PHRF1: variants seen among roughly 807,000 people sequenced by gnomAD.
The protein encoded by PHRF1 is PHD and RING finger domain-containing protein 1.
PHRF1 carries 53 observed loss-of-function variants against 128.9 expected under a neutral mutation model. That is an observed-to-expected ratio of 0.41 (90% CI 0.33 to 0.52). The LOEUF is 0.52. PHRF1 is among the 20% of genes least tolerant of loss of function. The pLI is 0.21. For synonymous variants in PHRF1, 1,178 were observed against 980.6 expected, an observed-to-expected ratio of 1.20 and a Z score of -3.76; for missense variants, 2,503 against 2,284.5, an observed-to-expected ratio of 1.10 and a Z score of -1.95.
At position 597,049 on chromosome 11, in the gene PHRF1, C is replaced by G; in HGVS notation, c.718+29C>G. ...AGGACACTGCTCCCGTCCCAAGGCGCACATGGGCCTTCTCACTGTCCACTC... is the reference window on the plus strand; with the variant it reads ...AGGACACTGCTCCCGTCCCAAGGCGGACATGGGCCTTCTCACTGTCCACTC... On this transcript the variant is annotated intron_variant, in intron 7 of 17. Transcript: ENST00000264555. This position sits in a 1 kb window ranked among gnomAD's most constrained non-coding sequence, Gnocchi z 6.5. 6.2e-7 allele frequency: 1 copy of G among 1,605,830 alleles called. No homozygotes were observed.
chr11:599,344 G>A (rs1855499818), intron 9 of PHRF1, among the ~76,000 whole-genome samples: 2 of 142,862 alleles, frequency 1.4e-5, no homozygotes, highest in Non-Finnish European at 1.5e-5. Context: ...TCCACCTTCC[G>A]GGTTCAAGTG....
At chr11:584,738 T>TC (rs1854423633) in intron 3 of PHRF1, among the ~76,000 whole-genome samples, 1 of 145,714 alleles carries the variant, frequency 6.9e-6, no homozygotes, top group African/African-American at 2.5e-5. Context: ...CCTTTTTTTT[T>TC]TTTTTTTTTT....
intron 6 of PHRF1, among the ~76,000 whole-genome samples, chr11:595,105 C>T (rs1291048766): frequency 1.3e-5 from 2 of 152,122 alleles, no homozygotes; most frequent in Non-Finnish European, 1.5e-5. Context: ...GGTGGATCAC[C>T]TGAGCTCAGG....
intron 1 of PHRF1, among the ~76,000 whole-genome samples, chr11:576,825 G>A (rs1338388940): frequency 2.3e-5 from 2 of 86,902 alleles, no homozygotes; most frequent in African/African-American, 8.5e-5. Context: ...GCCGAGACTG[G>A]GAGGCCCCGC....
intron 3 of PHRF1, among the ~76,000 whole-genome samples, chr11:584,128 C>T (rs1414143460): frequency 1.3e-5 from 2 of 152,330 alleles, no homozygotes; most frequent in South Asian, 2.1e-4. Context: ...TTCCAGAGTT[C>T]GATGTTTAGC....
Position 581,569 on chromosome 11 carries a change from C to G in PHRF1, c.57C>G (p.His19Gln). Reference sequence around the variant, plus strand: ...CCCGGAGCCCAGGGCCGGATGGACACCCACAGGTCGGCCCTGCGGACCCGG... The same window carrying G: ...CCCGGAGCCCAGGGCCGGATGGACAGCCACAGGTCGGCCCTGCGGACCCGG... ...LVARSPGPDGHPQVGPADPAG... is the reference protein window; with the variant it reads ...LVARSPGPDGQPQVGPADPAG... Residue 19 changes from histidine to glutamine, a missense_variant, in exon 2 of 18, where the codon CAC becomes CAG. By Grantham distance (24) the His-to-Gln change is conservative. Coordinates refer to ENST00000264555, the MANE Select transcript of PHRF1 (RefSeq NM_001286581.2). 1 of 1,613,460 alleles carries G rather than the reference C, an allele frequency of 6.2e-7. No homozygotes were observed. The highest frequency in any genetic ancestry group is 8.5e-7 in the Non-Finnish European group (1 of 1,179,858).
chr11:595,941 G>T (rs536060874), intron 6 of PHRF1, among the ~76,000 whole-genome samples: 1 of 152,214 alleles, frequency 6.6e-6, no homozygotes, highest in Non-Finnish European at 1.5e-5. Context: ...CGGGGCAGTC[G>T]GCTTCTCTTC....
chr11:582,178 C>T (rs1589857528), intron 3 of PHRF1, 97 bp downstream of exon 3: 1 of 1,527,940 alleles, frequency 6.5e-7, no homozygotes, highest in Non-Finnish European at 8.8e-7. Context: ...GCTGTCACCA[C>T]AGCTGGCCAT....
chr11:603,256 A>G (rs1855746431), intron 10 of PHRF1, among the ~76,000 whole-genome samples: 1 of 152,048 alleles, frequency 6.6e-6, no homozygotes, highest in Non-Finnish European at 1.5e-5. Context: ...AGCGTTCGCC[A>G]TGTTGCCCAG....
Position 607,396 on chromosome 11 carries a change from C to T in PHRF1, c.1940C>T (p.Ser647Phe). 1 of 1,612,836 alleles carries T rather than the reference C, an allele frequency of 6.2e-7. No homozygotes were observed. The highest frequency in any genetic ancestry group is 8.5e-7 in the Non-Finnish European group (1 of 1,179,892). Residue 647 changes from serine to phenylalanine, a missense_variant, in exon 14 of 18, where the codon TCT becomes TTT. Transcript: ENST00000264555. ...KHTLPLASAA[S>F]KISSRDSKPP... ...ACCTTGCCCCTTGCCTCTGCCGCGT[C>T]TAAGATCTCAAGCAGAGATTCTAAG...
intron 3 of PHRF1, 136 bp from the exon 4 acceptor site, chr11:587,123 G>T: frequency 1.3e-6 from 1 of 767,364 alleles, no homozygotes; most frequent in Non-Finnish European, 2.2e-6. Context: ...GTGGAGGTAA[G>T]TGGCAGGAGC....
chr11:583,115 C>T (rs976567451), intron 3 of PHRF1, among the ~76,000 whole-genome samples: 11 of 151,314 alleles, frequency 7.3e-5, no homozygotes, highest in Admixed American at 2.0e-4. Flanking sequence ...CCGAGGCGGG[C>T]GGATCAGGAG....
At position 607,522 on chromosome 11, in the gene PHRF1, A is replaced by G. The variant is rs779137917; in HGVS notation, c.2066A>G (p.Asp689Gly). ...LPRIPKIRRD[D>G]GGGRRDAAPA... ...AGGATACCAAAGATCAGGAGAGATG[A>G]CGGTGGTGGCAGACGGGATGCGGCC... The change falls in exon 14 of 18, where the codon GAC (aspartate) becomes GGC (glycine). Residue 689 changes from aspartate (D) to glycine (G), a missense_variant. Asp to Gly is a moderately conservative substitution (Grantham distance 94). Coordinates refer to ENST00000264555, the MANE Select transcript of PHRF1 (RefSeq NM_001286581.2). 1 of 1,612,748 alleles carries G rather than the reference A, an allele frequency of 6.2e-7. No individual in the cohort carries two copies. The highest frequency in any genetic ancestry group is 8.5e-7 in the Non-Finnish European group (1 of 1,179,896).
Position 608,719 on chromosome 11 carries a change from C to G in PHRF1, c.3263C>G (p.Thr1088Arg), listed in dbSNP as rs377206692. The G allele has an allele frequency of 2.2e-5, 35 of 1,610,664 alleles. No homozygotes were observed. In the East Asian group the frequency reaches 6.5e-4, roughly 30 times the overall value. The change falls in exon 14 of 18, where the codon ACG becomes AGG. Residue 1088 changes from threonine (T) to arginine (R), a missense_variant. Physicochemically the swap from Thr to Arg is moderately conservative, Grantham distance 71 (BLOSUM62 -1). Coordinates refer to ENST00000264555, the MANE Select transcript of PHRF1 (RefSeq NM_001286581.2). Reference protein sequence around the residue: ...RRGPWGHSRRTSRSRSGSPGS... With the variant: ...RRGPWGHSRRRSRSRSGSPGS... ...GGCCCCTGGGGCCACAGCCGGAGGACGTCCCGGTCGCGGTCGGGGAGCCCT... is the reference window on the plus strand; with the variant it reads ...GGCCCCTGGGGCCACAGCCGGAGGAGGTCCCGGTCGCGGTCGGGGAGCCCT...
In PHRF1 at chr11:608,532, A is replaced by G; in HGVS notation, c.3076A>G (p.Arg1026Gly). Residue 1026 changes from arginine (R) to glycine (G), a missense_variant, in exon 14 of 18, where the codon AGG becomes GGG. Transcript: ENST00000264555. ...RTRSGTRSESRDRSSRSASPS... is the reference protein window; with the variant it reads ...RTRSGTRSESGDRSSRSASPS... ...GCGCTCTGGGACGCGCTCTGAATCC[A>G]GGGACAGGAGCTCGAGGTCAGCGTC... The G allele has an allele frequency of 1.2e-6, 2 of 1,612,288 alleles. No homozygotes were observed. Among genetic ancestry groups the G allele is most frequent in the Non-Finnish European group, 1.7e-6 (2 of 1,179,776 alleles).
At chr11:600,883 G>A (rs1269198405) in intron 9 of PHRF1, among the ~76,000 whole-genome samples, 2 of 151,990 alleles carry the variant, frequency 1.3e-5, no homozygotes, top group South Asian at 2.1e-4. Flanking sequence ...GGAGAATGGC[G>A]TGAACCTGGG....
At chr11:595,305 A>G (rs73396328) in intron 6 of PHRF1, among the ~76,000 whole-genome samples, 3,564 of 152,252 alleles carry the variant, frequency 0.023, 148 homozygotes, top group African/African-American at 0.081. Flanking sequence ...AGAGACTAAA[A>G]ACAAAAAACA....
intron 3 of PHRF1, among the ~76,000 whole-genome samples, chr11:586,228 G>C (rs1378026636): frequency 2.0e-5 from 3 of 152,068 alleles, no homozygotes; most frequent in Non-Finnish European, 2.9e-5. Context: ...TCCTGACCTC[G>C]TGATCTGCCC....
In PHRF1 at chr11:608,721, T is replaced by A. The variant is rs1355415654; in HGVS notation, c.3265T>A (p.Ser1089Thr). 3 of 1,609,148 alleles carry A rather than the reference T, an allele frequency of 1.9e-6. No homozygotes were observed. The African/African-American group carries it at 4.1e-5, about 22-fold the overall frequency. ...CCCCTGGGGCCACAGCCGGAGGACGTCCCGGTCGCGGTCGGGGAGCCCTGG... is the reference window on the plus strand; with the variant it reads ...CCCCTGGGGCCACAGCCGGAGGACGACCCGGTCGCGGTCGGGGAGCCCTGG... ...RGPWGHSRRT[S>T]RSRSGSPGSS... Residue 1089 changes from serine to threonine, a missense_variant, in exon 14 of 18, where the codon TCC becomes ACC. By Grantham distance (58) the Ser-to-Thr change is moderately conservative. Transcript: ENST00000264555.
Sources: gnomAD v4.1 joint callset for allele counts (sites outside exome capture counted in the v4.1 genomes callset) on GRCh38, gnomAD v4.1.1 for gene constraint, Gnocchi (gnomAD v3.1) non-coding constraint, MANE v1.5 for transcripts, NCBI Gene and HGNC (gene_info 2026-07-23, HGNC 2026-07-21) for gene names.